The following PRRC2B variants were observed in gnomAD, a reference collection of about 807,000 sequenced individuals.
The protein encoded by PRRC2B is protein PRRC2B.
A neutral mutation model predicts 242.3 loss-of-function variants in PRRC2B; 68 were observed. That is an observed-to-expected ratio of 0.28 (90% CI 0.23 to 0.34). PRRC2B has a LOEUF of 0.34. Ranked by LOEUF, PRRC2B falls within the 10% of genes least tolerant of loss-of-function variation. PRRC2B has a pLI of 1.00. For synonymous variants in PRRC2B, 1,228 were observed against 1,173.6 expected (o/e 1.05, Z -0.95); for missense variants, 2,835 against 2,954.8 (o/e 0.96, Z 0.94).
chr9:131,491,508 C>T lies in PRRC2B; in HGVS notation c.6309C>T (p.Ser2103=), dbSNP rs1223439583. The T allele has an allele frequency of 2.5e-6, 4 of 1,612,530 alleles. No homozygotes were observed. Among genetic ancestry groups the T allele is most frequent in the Non-Finnish European group, 2.5e-6 (3 of 1,179,636 alleles). The change falls in exon 29 of 32, where the codon AGC becomes AGT. Residue 2103 remains serine, a synonymous_variant. Coordinates refer to ENST00000683519, the MANE Select transcript of PRRC2B (RefSeq NM_013318.4). ...PQSIQLPPGQ[S]LSVGAPRRIP... ...CTATTCAGCTGCCACCTGGGCAGAG[C>T]CTCTCCGTTGGGGCCCCCCGAAGGA...
In PRRC2B at chr9:131,446,050, G is replaced by A. The variant is rs1250661721; in HGVS notation, c.614-351G>A. 1.3e-5 allele frequency among the ~76,000 whole-genome samples: 2 copies of A among 152,210 alleles called. No individual in the cohort carries two copies. Among genetic ancestry groups the A allele is most frequent in the Non-Finnish European group, 2.9e-5 (2 of 68,042 alleles). On this transcript the variant is annotated intron_variant, in intron 6 of 31. Transcript: ENST00000683519. The surrounding 1 kb of genome is among the most constrained non-coding windows in gnomAD (Gnocchi z 4.1). ...GTGCTGACCCTAAGTGGGCTGGTCA[G>A]TGTTTGTTGAAGGAATGACCCAAGG...
chr9:131,394,578 C>G (rs1836989206), intron 1 of PRRC2B, among the ~76,000 whole-genome samples: 2 of 150,738 alleles, frequency 1.3e-5, no homozygotes, highest in Admixed American at 6.6e-5. Flanking sequence ...TCGCCCGCCA[C>G]CCCCGTACCC....
intron 1 of PRRC2B, among the ~76,000 whole-genome samples, chr9:131,395,081 TC>T (rs1325816043): frequency 2.0e-5 from 3 of 151,876 alleles, no homozygotes; most frequent in Non-Finnish European, 4.4e-5. Context: ...TTTTCCTTTT[TC>T]TTTTTTCCTC....
At position 131,470,890 on chromosome 9, in the gene PRRC2B, C is replaced by T. The variant is rs1362249038; in HGVS notation, c.2014C>T (p.Pro672Ser). 1.2e-6 allele frequency: 2 copies of T among 1,602,846 alleles called. No individual in the cohort carries two copies. The highest frequency in any genetic ancestry group is 2.2e-5 in the East Asian group (1 of 44,524). The change falls in exon 14 of 32, where the codon CCC becomes TCC. Residue 672 changes from proline (P) to serine (S), a missense_variant. By Grantham distance (74) the Pro-to-Ser change is moderately conservative. Around this residue, in one of 7 missense-constraint regions of PRRC2B, gnomAD observed 1,536 missense variants for 1,483.1 expected, o/e 1.04. Transcript: ENST00000683519. ...PHHPQMLGFD[P>S]RWMMMPSYMD... ...CCACCCCCAGATGTTGGGCTTCGAT[C>T]CCAGGTGGATGATGATGCCTTCCTA...
intron 13 of PRRC2B, among the ~76,000 whole-genome samples, chr9:131,468,314 T>C (rs186492197): frequency 5.3e-4 from 80 of 152,342 alleles, no homozygotes; most frequent in African/African-American, 1.8e-3. Flanking sequence ...GGGTCAGTTA[T>C]GCCCCTCTCA....
chr9:131,487,286 G>A lies in PRRC2B; in HGVS notation c.5976G>A (p.Gln1992=), dbSNP rs368637764. Residue 1992 remains glutamine, a synonymous_variant, in exon 27 of 32, where the codon CAG becomes CAA. Coordinates refer to ENST00000683519, the MANE Select transcript of PRRC2B (RefSeq NM_013318.4). This position sits in a 1 kb window ranked among gnomAD's most constrained non-coding sequence, Gnocchi z 5.3. ...SQSQEIFSSL[Q]PFRSQVYMHP... ...CCCAGGAGATCTTCAGCTCCTTGCA[G>A]CCCTTCAGGTGAGCTCATGTACCAG... 1 of 1,608,546 alleles carries A rather than the reference G, an allele frequency of 6.2e-7. No homozygotes were observed.
intron 13 of PRRC2B, among the ~76,000 whole-genome samples, chr9:131,468,984 G>A (rs1467992959): frequency 6.6e-6 from 1 of 152,128 alleles, no homozygotes; most frequent in Admixed American, 6.6e-5. Context: ...ACCTAGCAGC[G>A]ACAATTGCTC....
chr9:131,455,014 G>A lies in PRRC2B; in HGVS notation c.1121-62G>A, dbSNP rs950093095. ...TGGGATTACAGGCATGAGCCACCAC[G>A]TCCGGCCACCACTGACTTTTTCATT... On this transcript the variant is annotated intron_variant, in intron 9 of 31. Coordinates refer to ENST00000683519, the MANE Select transcript of PRRC2B (RefSeq NM_013318.4). 5.1e-5 allele frequency: 67 copies of A among 1,323,926 alleles called. 3 individuals carry two copies. Among genetic ancestry groups the A allele is most frequent in the South Asian group, 3.2e-4 (26 of 80,168 alleles). The allele number at this position is 1,323,926 out of a possible 1,614,324, so 82.0% of individuals were successfully genotyped here. A position where few individuals can be genotyped will look rare whatever the true frequency, so the allele number is the denominator to read the frequency against.
Position 131,482,716 on chromosome 9 carries a change from G to A in PRRC2B, c.5182G>A (p.Glu1728Lys), listed in dbSNP as rs1313445035. 1 of 1,576,584 alleles carries A rather than the reference G, an allele frequency of 6.3e-7. No homozygotes were observed. The highest frequency in any genetic ancestry group is 8.6e-7 in the Non-Finnish European group (1 of 1,162,914). The part of the protein sequence containing the change: ...APKPSEQKDS[E>K]QGSGQSKEHR... ...TCTCTGCTTTTTTATCAAGGATTCAGAACAAGGCTCTGGACAGAGCAAGGA... is the reference window on the plus strand; with the variant it reads ...TCTCTGCTTTTTTATCAAGGATTCAAAACAAGGCTCTGGACAGAGCAAGGA... The change falls in exon 22 of 32, where the codon GAA becomes AAA. Residue 1728 changes from glutamate to lysine, a missense_variant. By Grantham distance (56) the Glu-to-Lys change is moderately conservative. This residue lies in a region of PRRC2B where 51 missense variants were observed against 45.1 expected (regional missense o/e 1.13). Coordinates refer to ENST00000683519, the MANE Select transcript of PRRC2B (RefSeq NM_013318.4). The surrounding 1 kb of genome is among the most constrained non-coding windows in gnomAD (Gnocchi z 5.2).
rs1210612620 is a variant in PRRC2B, at chr9:131,467,689, A to C, written c.1847A>C (p.Gln616Pro). The change falls in exon 13 of 32, where the codon CAG becomes CCG. Residue 616 changes from glutamine to proline, a missense_variant. This residue lies in a region of PRRC2B where 1,536 missense variants were observed against 1,483.1 expected (regional missense o/e 1.04). Coordinates refer to ENST00000683519, the MANE Select transcript of PRRC2B (RefSeq NM_013318.4). The stretch of plus-strand genomic sequence containing the variant: ...GCCAGAGAGGCTGGGTCCCCTGCAC[A>C]GGAGTTCAAGTATCAGAAGTCCCTT... ...EEAREAGSPAQEFKYQKSLPP... is the reference protein window; with the variant it reads ...EEAREAGSPAPEFKYQKSLPP... The C allele has an allele frequency of 1.2e-6, 2 of 1,614,034 alleles. No individual in the cohort carries two copies. Among genetic ancestry groups the C allele is most frequent in the Non-Finnish European group, 1.7e-6 (2 of 1,179,892 alleles).
At chr9:131,384,390 C>G (rs998293284) in intron 1 of PRRC2B, among the ~76,000 whole-genome samples, 1 of 152,082 alleles carries the variant, frequency 6.6e-6, no homozygotes, top group African/African-American at 2.4e-5. Flanking sequence ...TCAAGTGATT[C>G]TCCTGCCTCA....
chr9:131,437,061 C>T (rs1216947118), intron 4 of PRRC2B, among the ~76,000 whole-genome samples: 1 of 152,138 alleles, frequency 6.6e-6, no homozygotes, highest in Non-Finnish European at 1.5e-5. Context: ...GTCACGTGAG[C>T]TCCATGGAAG....
chr9:131,494,947 C>T lies in PRRC2B; in HGVS notation c.6555+461C>T, dbSNP rs1205811006. Among the ~76,000 whole-genome samples the T allele has an allele frequency of 6.6e-6, 1 of 152,196 alleles. No homozygotes were observed. Among genetic ancestry groups the T allele is most frequent in the Non-Finnish European group, 1.5e-5 (1 of 68,042 alleles). On this transcript the variant is annotated intron_variant, in intron 31 of 31. Transcript: ENST00000683519. The surrounding 1 kb of genome is among the most constrained non-coding windows in gnomAD (Gnocchi z 4.3). ...AAGGACATCGCAGTGTCTTTTCCTG[C>T]ACGCACTATTCTCTTCTCTATTCTC...
At position 131,420,468 on chromosome 9, in the gene PRRC2B, TC is replaced by T. The variant is rs1564278512; in HGVS notation, c.-51-9625del. On this transcript the variant is annotated intron_variant, in intron 1 of 31. Coordinates refer to ENST00000683519, the MANE Select transcript of PRRC2B (RefSeq NM_013318.4). Reference sequence around the variant, plus strand: ...TTCTTTTTCTTTTTCTTTCTTTCTTTCTTTCTTTCTTTCTTTCTTTCTTTCT... The same window carrying T: ...TTCTTTTTCTTTTTCTTTCTTTCTTTTTTCTTTCTTTCTTTCTTTCTTTCT... Among the ~76,000 whole-genome samples, 25 of 10,344 alleles carry T rather than the reference TC, an allele frequency of 2.4e-3. 1 individual carries two copies. The highest frequency in any genetic ancestry group is 4.3e-3 in the African/African-American group (24 of 5,594). The allele number at this position is 10,344 out of a possible 152,430, so 6.8% of individuals were successfully genotyped here.
chr9:131,456,063 A>G (rs926668346), intron 10 of PRRC2B, among the ~76,000 whole-genome samples: 103 of 151,918 alleles, frequency 6.8e-4, no homozygotes, highest in Non-Finnish European at 2.5e-4. Context: ...CAGTGAGCCA[A>G]GATTGTGCCA....
chr9:131,493,072 T>C (rs1944240551), intron 30 of PRRC2B, among the ~76,000 whole-genome samples: 1 of 152,216 alleles, frequency 6.6e-6, no homozygotes, highest in African/African-American at 2.4e-5. Flanking sequence ...CTTGTGGGCC[T>C]GAGGAGCGCT....
intron 14 of PRRC2B, among the ~76,000 whole-genome samples, 151 bp downstream of exon 14, chr9:131,471,134 C>A (rs897348397): frequency 6.6e-6 from 1 of 152,212 alleles, no homozygotes; most frequent in Admixed American, 6.5e-5. Flanking sequence ...TAGTCACTTG[C>A]AAAGTGTAGG....
At chr9:131,407,334 T>TG (rs1837392690) in intron 1 of PRRC2B, among the ~76,000 whole-genome samples, 1 of 151,876 alleles carries the variant, frequency 6.6e-6, no homozygotes. Context: ...GGAGGAGAGT[T>TG]GTGAGTATAG....
chr9:131,495,700 CG>C, intron 31 of PRRC2B, 39 bp from the exon 32 acceptor site: 1 of 1,585,958 alleles, frequency 6.3e-7, no homozygotes, highest in Non-Finnish European at 8.6e-7. Context: ...CACGTTTCAG[CG>C]TCAGGGTCAC....
Sources: allele counts gnomAD v4.1 joint callset (sites outside exome capture counted in the v4.1 genomes callset), GRCh38; gene constraint gnomAD v4.1.1; regional missense constraint gnomAD v4.1.1; non-coding constraint Gnocchi (gnomAD v3.1); transcripts MANE v1.5; gene names NCBI Gene and HGNC (gene_info 2026-07-23, HGNC 2026-07-21).